TIAM2: variants seen among roughly 807,000 people sequenced by gnomAD.
TIAM2 encodes rho guanine nucleotide exchange factor TIAM2.
In TIAM2, 80 loss-of-function variants were observed where a neutral mutation model predicts 152.9. The ratio of observed to expected loss-of-function variants is 0.52; its 90% CI spans 0.44 to 0.63. The LOEUF is 0.63. Ranked by LOEUF, TIAM2 falls within the 30% of genes least tolerant of loss-of-function variation. TIAM2 has a pLI of 0.00. For missense variants in TIAM2, 1,965 were observed against 2,120.1 expected, an observed-to-expected ratio of 0.93 and a Z score of 1.44; for synonymous variants, 804 against 838.0, an observed-to-expected ratio of 0.96 and a Z score of 0.70.
At chr6:155,187,149 G>A (rs1399861450) in intron 14 of TIAM2, among the ~76,000 whole-genome samples, 2 of 152,142 alleles carry the variant, frequency 1.3e-5, no homozygotes, top group Non-Finnish European at 2.9e-5. Context: ...CTTAAAATGT[G>A]TGGGGGACCC....
At chr6:155,095,960 G>T (rs1778411371) in intron 2 of TIAM2, among the ~76,000 whole-genome samples, 2 of 152,050 alleles carry the variant, frequency 1.3e-5, no homozygotes, top group East Asian at 3.9e-4. Flanking sequence ...TTTCCTGAAG[G>T]ATTTTTTTTC....
chr6:155,172,673 T>G (rs1319781702), intron 9 of TIAM2, among the ~76,000 whole-genome samples: 8 of 13,108 alleles, frequency 6.1e-4, no homozygotes, highest in African/African-American at 3.4e-3. Context: ...TATATATATA[T>G]ATATATATAT....
In TIAM2 at chr6:155,156,122, G is replaced by T. The variant is rs1339110913; in HGVS notation, c.2028+7788G>T. Reference sequence around the variant, plus strand: ...ATGTGCAGTCATGGAAGACCCTGGAGGAGGGAGGCCAAGTTGCTTCTTGAA... The same window carrying T: ...ATGTGCAGTCATGGAAGACCCTGGATGAGGGAGGCCAAGTTGCTTCTTGAA... On this transcript the variant is annotated intron_variant, in intron 7 of 26. Transcript: ENST00000682666. The surrounding 1 kb of genome is among the most constrained non-coding windows in gnomAD (Gnocchi z 4.4). Among the ~76,000 whole-genome samples the T allele has an allele frequency of 3.3e-5, 5 of 152,244 alleles. No individual in the cohort carries two copies. Among genetic ancestry groups the T allele is most frequent in the Non-Finnish European group, 7.3e-5 (5 of 68,044 alleles).
intron 2 of TIAM2, among the ~76,000 whole-genome samples, chr6:155,104,040 A>ACACCCC (rs1562316893): frequency 0.025 from 1,414 of 57,590 alleles, 210 homozygotes; most frequent in Non-Finnish European, 0.032. Context: ...ACACACACAC[A>ACACCCC]CCCCCCCCCC....
In TIAM2 at chr6:155,240,721, G is replaced by T; in HGVS notation, c.3348+12G>T. 6.2e-7 allele frequency: 1 copy of T among 1,603,654 alleles called. No individual in the cohort carries two copies. ...AGTCCTACGTGAAGGTAAGGGAAGA[G>T]CTGGCATTTATGCATTCGTGCCTCT... On this transcript the variant is annotated intron_variant, in intron 16 of 26. Transcript: ENST00000682666.
chr6:155,191,162 A>G (rs577953235), intron 14 of TIAM2, among the ~76,000 whole-genome samples: 54 of 152,328 alleles, frequency 3.5e-4, no homozygotes, highest in African/African-American at 1.2e-3. Context: ...CCTAAGCTAC[A>G]TCGGGCAGTG....
At chr6:154,998,206 G>A (rs553362577) in intron 1 of TIAM2, among the ~76,000 whole-genome samples, 4 of 152,280 alleles carry the variant, frequency 2.6e-5, no homozygotes, top group East Asian at 1.9e-4. Flanking sequence ...GTGTCTAATC[G>A]TGATTTGCTA....
chr6:155,166,920 G>A (rs1490928295), intron 9 of TIAM2, among the ~76,000 whole-genome samples: 1 of 152,150 alleles, frequency 6.6e-6, no homozygotes, highest in African/African-American at 2.4e-5. Context: ...ATGAGCTGCT[G>A]TTTTTCTGAT....
At chr6:155,161,841 G>C (rs1324864309) in intron 7 of TIAM2, among the ~76,000 whole-genome samples, 2 of 152,094 alleles carry the variant, frequency 1.3e-5, no homozygotes, top group African/African-American at 4.8e-5. Context: ...GCCTCCCGAA[G>C]TGCTGGGATT....
intron 7 of TIAM2, among the ~76,000 whole-genome samples, chr6:155,158,135 G>GTAA (rs879392043): frequency 2.0e-5 from 3 of 152,250 alleles, no homozygotes; most frequent in Admixed American, 2.0e-4. Context: ...GACAAACCTA[G>GTAA]TAATAGGCAA....
At chr6:155,244,147 C>G (rs922285118) in intron 17 of TIAM2, 68 bp downstream of exon 17, 2 of 1,399,628 alleles carry the variant, frequency 1.4e-6, no homozygotes, top group Non-Finnish European at 2.0e-6. Flanking sequence ...TTTAGCAGAA[C>G]TCCTATGAGA....
At position 155,101,235 on chromosome 6, in the gene TIAM2, T is replaced by C. The variant is rs370635177; in HGVS notation, c.-118+10856T>C. Among the ~76,000 whole-genome samples the C allele has an allele frequency of 4.7e-4, 71 of 152,316 alleles. No homozygotes were observed. In the South Asian group the frequency reaches 0.013, roughly 29 times the overall value. On this transcript the variant is annotated intron_variant, in intron 2 of 26. Transcript: ENST00000682666. ...ATCTCAGGATTCTCAGGCAGATACTTGGTGTGCCTCATTTTCTTCTAGTCT... is the reference window on the plus strand; with the variant it reads ...ATCTCAGGATTCTCAGGCAGATACTCGGTGTGCCTCATTTTCTTCTAGTCT...
At chr6:155,206,268 G>GA (rs1462667357) in intron 14 of TIAM2, among the ~76,000 whole-genome samples, 6 of 152,160 alleles carry the variant, frequency 3.9e-5, no homozygotes, top group Non-Finnish European at 7.3e-5. Flanking sequence ...GTTGTTTTGA[G>GA]ATGGAATCTC....
chr6:155,081,093 G>A (rs1778052524), intron 1 of TIAM2, among the ~76,000 whole-genome samples: 1 of 152,174 alleles, frequency 6.6e-6, no homozygotes, highest in Non-Finnish European at 1.5e-5. Context: ...TTGTCTACAG[G>A]AAGGAAAAGT....
intron 6 of TIAM2, among the ~76,000 whole-genome samples, 182 bp from the exon 7 acceptor site, chr6:155,147,928 C>G (rs1779855430): frequency 6.6e-6 from 1 of 152,206 alleles, no homozygotes; most frequent in Non-Finnish European, 1.5e-5. Flanking sequence ...TGCTCTGCTC[C>G]TAATGTTCTC....
chr6:155,109,520 T>C (rs1023255434), intron 2 of TIAM2, among the ~76,000 whole-genome samples: 2 of 152,210 alleles, frequency 1.3e-5, no homozygotes, highest in Non-Finnish European at 2.9e-5. Context: ...AACCTGAATG[T>C]CTGACTGTTG....
At chr6:155,145,035 C>T (rs1779791098) in intron 6 of TIAM2, among the ~76,000 whole-genome samples, 1 of 151,958 alleles carries the variant, frequency 6.6e-6, no homozygotes, top group Admixed American at 6.6e-5. Context: ...CATTGGGACA[C>T]AAAGAGAAAA....
At position 155,164,145 on chromosome 6, in the gene TIAM2, TC is replaced by T. The variant is rs869119399; in HGVS notation, c.2029-269del. Among the ~76,000 whole-genome samples the T allele has an allele frequency of 2.8e-4, 39 of 140,048 alleles. 1 individual carries two copies. In the East Asian group the frequency reaches 6.7e-3, roughly 24 times the overall value. The allele number at this position is 140,048 out of a possible 152,430, so 91.9% of individuals were successfully genotyped here. ...AGCTAATTTTTGTGTTTTTTTTTTT[TC>T]TTTTTTTTAGTAGAGATGGAGTTTC... On this transcript the variant is annotated intron_variant, in intron 7 of 26. Transcript: ENST00000682666.
At chr6:155,133,863 G>A (rs1375465068) in intron 4 of TIAM2, among the ~76,000 whole-genome samples, 3 of 152,014 alleles carry the variant, frequency 2.0e-5, no homozygotes, top group East Asian at 1.9e-4. Context: ...GATTACAGGC[G>A]TGTGCCACCA....
Sources: allele counts gnomAD v4.1 joint callset (sites outside exome capture counted in the v4.1 genomes callset), GRCh38; gene constraint gnomAD v4.1.1; non-coding constraint Gnocchi (gnomAD v3.1); transcripts MANE v1.5; gene names NCBI Gene and HGNC (gene_info 2026-07-23, HGNC 2026-07-21).